The following CRTAC1 variants were observed in gnomAD, a reference collection of about 807,000 sequenced individuals.
CRTAC1 encodes acidic secreted protein in cartilage.
CRTAC1 carries 37 observed loss-of-function variants against 67.8 expected under a neutral mutation model. That is an observed-to-expected ratio of 0.55 (90% CI 0.42 to 0.72). CRTAC1 has a LOEUF of 0.72. CRTAC1 is among the 30% of genes least tolerant of loss of function. The pLI is 0.00. For missense variants in CRTAC1, 780 were observed against 931.6 expected, an observed-to-expected ratio of 0.84 and a Z score of 2.12; for synonymous variants, 348 against 371.0, an observed-to-expected ratio of 0.94 and a Z score of 0.71.
At chr10:98,005,098 ATATTTTTT>A (rs1221176425) in intron 2 of CRTAC1, among the ~76,000 whole-genome samples, 35 of 38,196 alleles carry the variant, frequency 9.2e-4, no homozygotes, top group African/African-American at 3.8e-3. Context: ...ATATATATAT[ATATTTTTT>A]TTTTTTTTTT....
chr10:97,906,983 T>C (rs2050621149), intron 6 of CRTAC1, among the ~76,000 whole-genome samples: 1 of 152,218 alleles, frequency 6.6e-6, no homozygotes, highest in Non-Finnish European at 1.5e-5. Flanking sequence ...CTCTTCCCCA[T>C]GCCTCCAAGA....
intron 4 of CRTAC1, among the ~76,000 whole-genome samples, chr10:97,919,702 T>C (rs1469651386): frequency 1.3e-5 from 2 of 151,170 alleles, no homozygotes; most frequent in Non-Finnish European, 3.0e-5. Context: ...AGAATCTGCA[T>C]TGTGGCAAAA....
chr10:97,901,491 T>C lies in CRTAC1; in HGVS notation c.1133+12A>G. Reference sequence around the variant, plus strand: ...AAGGATGAAGAGCCACGAGCCAGGATGGAGCATCTACCGGAAGAGGCGGTT... The same window carrying C: ...AAGGATGAAGAGCCACGAGCCAGGACGGAGCATCTACCGGAAGAGGCGGTT... On this transcript the variant is annotated intron_variant, in intron 8 of 14. Coordinates refer to ENST00000370597, the MANE Select transcript of CRTAC1 (RefSeq NM_018058.7). The C allele has an allele frequency of 1.9e-6, 3 of 1,614,098 alleles. No homozygotes were observed. The highest frequency in any genetic ancestry group is 1.7e-5 in the Admixed American group (1 of 60,024).
chr10:97,963,865 C>T (rs914841718), intron 2 of CRTAC1, among the ~76,000 whole-genome samples: 10 of 152,266 alleles, frequency 6.6e-5, no homozygotes, highest in Non-Finnish European at 7.4e-5. Flanking sequence ...AATTGAGGCT[C>T]GGAGAGGTTG....
chr10:97,950,841 C>T (rs1183848750), intron 2 of CRTAC1, among the ~76,000 whole-genome samples: 1 of 152,144 alleles, frequency 6.6e-6, no homozygotes, highest in East Asian at 1.9e-4. Context: ...AGGTGGAAGA[C>T]AGTAACTAGA....
intron 2 of CRTAC1, among the ~76,000 whole-genome samples, chr10:97,967,004 C>CTT (rs1195272945): frequency 6.7e-6 from 1 of 149,984 alleles, no homozygotes; most frequent in Non-Finnish European, 1.5e-5. Context: ...CCCCCCCCCC[C>CTT]CCGACATCCT....
chr10:97,895,071 C>T lies in CRTAC1; in HGVS notation c.1486+174G>A, dbSNP rs920387475. ...GAAAATCTAACCAGCACTTCCCACT[C>T]GCCTCTTCTTGAGCTCAGGCTCATC... is the stretch of plus-strand genomic sequence containing the variant. On this transcript the variant is annotated intron_variant, in intron 11 of 14. Transcript: ENST00000370597. This position sits in a 1 kb window ranked among gnomAD's most constrained non-coding sequence, Gnocchi z 4.2. 6.6e-6 allele frequency among the ~76,000 whole-genome samples: 1 copy of T among 152,104 alleles called. No individual in the cohort carries two copies. Among genetic ancestry groups the T allele is most frequent in the Admixed American group, 6.5e-5 (1 of 15,270 alleles).
intron 1 of CRTAC1, among the ~76,000 whole-genome samples, chr10:98,014,583 C>G (rs1358374743): frequency 1.3e-5 from 2 of 152,002 alleles, no homozygotes; most frequent in African/African-American, 2.4e-5. Flanking sequence ...TATTAATATC[C>G]AGAATATATA....
At chr10:97,877,750 CT>C (rs1282177195) in intron 14 of CRTAC1, among the ~76,000 whole-genome samples, 1 of 152,236 alleles carries the variant, frequency 6.6e-6, no homozygotes, top group East Asian at 1.9e-4. Flanking sequence ...CTGGACCCCA[CT>C]CACCCAACAG....
At chr10:97,966,176 TCAA>T (rs1248862851) in intron 2 of CRTAC1, among the ~76,000 whole-genome samples, 15 of 152,344 alleles carry the variant, frequency 9.8e-5, no homozygotes, top group African/African-American at 3.6e-4. Flanking sequence ...CCTCCTGGGT[TCAA>T]GCAATTCTCA....
At chr10:97,904,209 G>A (rs1274069725) in intron 7 of CRTAC1, among the ~76,000 whole-genome samples, 1 of 151,884 alleles carries the variant, frequency 6.6e-6, no homozygotes, top group Non-Finnish European at 1.5e-5. Context: ...TCCTACTCTT[G>A]GATCCAGAGC....
intron 2 of CRTAC1, among the ~76,000 whole-genome samples, chr10:97,964,187 T>C (rs1258095149): frequency 6.6e-6 from 1 of 152,198 alleles, no homozygotes; most frequent in Non-Finnish European, 1.5e-5. Flanking sequence ...TGCATTACGC[T>C]GGGTGGCTTG....
intron 8 of CRTAC1, among the ~76,000 whole-genome samples, chr10:97,899,601 T>C (rs2050505248): frequency 6.6e-6 from 1 of 152,250 alleles, no homozygotes; most frequent in Non-Finnish European, 1.5e-5. Flanking sequence ...TATCTGGAAG[T>C]TGTGAATAAG....
chr10:97,912,570 CAG>C (rs55834590), intron 5 of CRTAC1, among the ~76,000 whole-genome samples: 98,498 of 151,804 alleles, frequency 0.65, 33,754 homozygotes, highest in East Asian at 0.83. Flanking sequence ...ATCCATCTCT[CAG>C]ACTGCATCTG....
chr10:97,964,025 T>C (rs2051571865), intron 2 of CRTAC1, among the ~76,000 whole-genome samples: 1 of 152,204 alleles, frequency 6.6e-6, no homozygotes, highest in African/African-American at 2.4e-5. Context: ...TACCACGCTG[T>C]CTCAGGGCTC....
Position 98,029,485 on chromosome 10 carries a change from A to AGCGGCGGCG in CRTAC1, c.24+963_24+964insCGCCGCCGC, listed in dbSNP as rs1327277469. On this transcript the variant is annotated intron_variant, in intron 1 of 14. Transcript: ENST00000370597. The surrounding 1 kb of genome is among the most constrained non-coding windows in gnomAD (Gnocchi z 4.7). ...AGCCACACTGGGTGCACCCACCAGCAGCAGCAGCGGCGGCGGCGGCGGCGG... is the reference window on the plus strand; with the variant it reads ...AGCCACACTGGGTGCACCCACCAGCAGCGGCGGCGGCAGCAGCGGCGGCGGCGGCGGCGG... 6.8e-5 allele frequency among the ~76,000 whole-genome samples: 8 copies of AGCGGCGGCG among 117,180 alleles called. No individual in the cohort carries two copies. Among genetic ancestry groups the AGCGGCGGCG allele is most frequent in the Middle Eastern group, 4.6e-3 (1 of 218 alleles). 76.9% of individuals were successfully genotyped at this position (117,180 alleles called of 152,430 possible).
chr10:97,996,474 C>A (rs1418105226), intron 2 of CRTAC1, among the ~76,000 whole-genome samples: 1 of 152,030 alleles, frequency 6.6e-6, no homozygotes, highest in Non-Finnish European at 1.5e-5. Context: ...CCAAAAAACA[C>A]ATGAAAAAAT....
chr10:97,916,267 C>G (rs775477503), intron 5 of CRTAC1, among the ~76,000 whole-genome samples: 6 of 152,074 alleles, frequency 3.9e-5, no homozygotes, highest in Non-Finnish European at 8.8e-5. Flanking sequence ...TAGGCTGAAG[C>G]GCCTGCATGT....
intron 2 of CRTAC1, among the ~76,000 whole-genome samples, chr10:98,002,761 CTTTTTTTTTTTTTTTT>C (rs531021933): frequency 0.054 from 1,991 of 37,204 alleles, 65 homozygotes; most frequent in African/African-American, 0.13. Flanking sequence ...ACAAAACTCA[CTTTTTTTTTTTTTTTT>C]TTTTTTTTTT....
Sources: gnomAD v4.1 joint callset for allele counts (sites outside exome capture counted in the v4.1 genomes callset) on GRCh38, gnomAD v4.1.1 for gene constraint, Gnocchi (gnomAD v3.1) non-coding constraint, MANE v1.5 for transcripts, NCBI Gene and HGNC (gene_info 2026-07-23, HGNC 2026-07-21) for gene names.